Variants in FRMD6 observed in about 807,000 individuals in gnomAD.
The protein encoded by FRMD6 is FERM domain-containing protein 6.
Under a neutral mutation model 73.2 loss-of-function variants are expected in FRMD6, and 37 were observed. The observed-to-expected ratio is 0.51, with a 90% CI of 0.39 to 0.66. The LOEUF is 0.66. FRMD6 is among the 30% of genes least tolerant of loss of function. The pLI is 0.00. For missense variants in FRMD6, 714 were observed against 780.5 expected (o/e 0.91, Z 1.02); for synonymous variants, 273 against 282.2 (o/e 0.97, Z 0.33).
the FRMD6 span, among the ~76,000 whole-genome samples, chr14:51,419,885 C>A: frequency 6.6e-6 from 1 of 151,206 alleles, no homozygotes; most frequent in African/African-American, 2.4e-5. Context: ...TTGCTAGGTA[C>A]AGTCATGTGA....
chr14:51,408,305 A>G, the FRMD6 span, among the ~76,000 whole-genome samples: 3 of 151,996 alleles, frequency 2.0e-5, no homozygotes, highest in Non-Finnish European at 2.9e-5. Context: ...GACTACAGAC[A>G]TGCGCCACCA....
intron 2 of FRMD6, among the ~76,000 whole-genome samples, chr14:51,603,184 T>C (rs571236984): frequency 6.6e-6 from 1 of 152,308 alleles, no homozygotes; most frequent in South Asian, 2.1e-4. Flanking sequence ...ACACTGAATA[T>C]GCCAGCACCT....
chr14:51,697,692 A>G (rs1896037518), intron 2 of FRMD6, among the ~76,000 whole-genome samples: 1 of 152,178 alleles, frequency 6.6e-6, no homozygotes, highest in African/African-American at 2.4e-5. Flanking sequence ...TGATTTATTC[A>G]TTCCACAGTA....
intron 1 of FRMD6, among the ~76,000 whole-genome samples, chr14:51,490,729 G>A (rs1231752840): frequency 1.3e-5 from 2 of 151,996 alleles, no homozygotes; most frequent in Non-Finnish European, 1.5e-5. Flanking sequence ...TGCAGTTACC[G>A]TAGCAGAATT....
intron 1 of FRMD6, among the ~76,000 whole-genome samples, chr14:51,568,091 GA>G (rs1270428765): frequency 2.0e-5 from 3 of 152,336 alleles, no homozygotes; most frequent in African/African-American, 7.2e-5. Flanking sequence ...TGTTTAAGAA[GA>G]AAGCACTTGG....
intron 1 of FRMD6, among the ~76,000 whole-genome samples, chr14:51,569,389 C>G (rs1887972040): frequency 6.6e-6 from 1 of 152,028 alleles, no homozygotes; most frequent in Non-Finnish European, 1.5e-5. Context: ...TTAACTTAGG[C>G]AAACAATACC....
At chr14:51,614,286 G>A (rs10484085) in intron 2 of FRMD6, among the ~76,000 whole-genome samples, 33,939 of 151,942 alleles carry the variant, frequency 0.22, 4,530 homozygotes, top group African/African-American at 0.37. Context: ...CAAGGCTTAA[G>A]TATTCTAGTC....
chr14:51,644,161 T>C (rs1891943042), intron 2 of FRMD6, among the ~76,000 whole-genome samples: 1 of 152,078 alleles, frequency 6.6e-6, no homozygotes. Context: ...ATACCATACA[T>C]TGACACTTGA....
the FRMD6 span, among the ~76,000 whole-genome samples, chr14:51,452,582 A>G: frequency 6.6e-6 from 1 of 152,348 alleles, no homozygotes; most frequent in Non-Finnish European, 1.5e-5. Flanking sequence ...GAACAGGAGG[A>G]CTTTGACTTG....
chr14:51,431,205 G>A, the FRMD6 span, among the ~76,000 whole-genome samples: 2 of 152,108 alleles, frequency 1.3e-5, no homozygotes, highest in East Asian at 3.9e-4. Flanking sequence ...TCTTATTAAT[G>A]GTTAAGCCAT....
intron 2 of FRMD6, among the ~76,000 whole-genome samples, chr14:51,573,660 C>G (rs1405837162): frequency 1.3e-5 from 2 of 152,122 alleles, no homozygotes; most frequent in Non-Finnish European, 2.9e-5. Context: ...TCACGCTGGT[C>G]GTTTGTATTC....
chr14:51,418,073 T>A, the FRMD6 span, among the ~76,000 whole-genome samples: 1 of 152,220 alleles, frequency 6.6e-6, no homozygotes, highest in Non-Finnish European at 1.5e-5. Flanking sequence ...TCAAGGTTTT[T>A]AGCTTCCTTG....
At chr14:51,568,909 A>G (rs920569641) in intron 1 of FRMD6, among the ~76,000 whole-genome samples, 1 of 147,880 alleles carries the variant, frequency 6.8e-6, no homozygotes, top group Non-Finnish European at 1.5e-5. Context: ...GCAATGGCGC[A>G]GTCTCGGCTC....
chr14:51,486,232 C>T (rs558110383), upstream of FRMD6, among the ~76,000 whole-genome samples: 1 of 151,988 alleles, frequency 6.6e-6, no homozygotes, highest in Admixed American at 6.5e-5. Context: ...GACGGGGTTT[C>T]ACCGTGTTAG....
At chr14:51,419,777 T>C in the FRMD6 span, among the ~76,000 whole-genome samples, 2 of 152,138 alleles carry the variant, frequency 1.3e-5, no homozygotes, top group Non-Finnish European at 2.9e-5. Context: ...CTACAATCTC[T>C]TGTGTTGTTA....
At chr14:51,490,989 G>C (rs1199130374) in intron 1 of FRMD6, among the ~76,000 whole-genome samples, 1 of 152,134 alleles carries the variant, frequency 6.6e-6, no homozygotes, top group Non-Finnish European at 1.5e-5. Context: ...CTAAGGGCAG[G>C]CTCTAAGGCA....
intron 1 of FRMD6, among the ~76,000 whole-genome samples, chr14:51,662,796 G>T (rs1240400766): frequency 1.3e-5 from 2 of 152,208 alleles, no homozygotes; most frequent in East Asian, 3.9e-4. Context: ...TGGACAAATG[G>T]GATCTAATTA....
intron 12 of FRMD6, chr14:51,724,252 GT>G (rs1443775407): frequency 6.6e-6 from 1 of 151,740 alleles, no homozygotes; most frequent in Non-Finnish European, 1.5e-5. Context: ...TAGTGATGAA[GT>G]ATACCACACT....
intron 13 of FRMD6, among the ~76,000 whole-genome samples, chr14:51,726,306 C>T (rs1353979724): frequency 6.6e-6 from 1 of 152,180 alleles, no homozygotes; most frequent in Non-Finnish European, 1.5e-5. Context: ...AACCTGTGAT[C>T]ATTGGTTAAA....
Sources: allele counts gnomAD v4.1 joint callset (sites outside exome capture counted in the v4.1 genomes callset), GRCh38; gene constraint gnomAD v4.1.1; transcripts MANE v1.5; gene names NCBI Gene and HGNC (gene_info 2026-07-23, HGNC 2026-07-21).